PRIM2: variants seen among roughly 807,000 people sequenced by gnomAD.
PRIM2 encodes the protein DNA primase large subunit.
A neutral mutation model predicts 67.3 loss-of-function variants in PRIM2; 39 were observed. That is an observed-to-expected ratio of 0.58 (90% confidence interval 0.45 to 0.76). PRIM2 has a LOEUF of 0.76. Ranked by LOEUF, PRIM2 falls within the 30% of genes least tolerant of loss-of-function variation. The pLI is 0.00. For missense variants in PRIM2, 398 were observed against 598.7 expected (o/e 0.66, Z 3.50); for synonymous variants, 143 against 198.7 (o/e 0.72, Z 2.36).
intron 13 of PRIM2, among the ~76,000 whole-genome samples, chr6:57,642,234 G>A (rs1777251185): frequency 6.6e-6 from 1 of 151,918 alleles, no homozygotes. Context: ...CTGTTTGGGG[G>A]GGTTGTGCTA....
rs1409528134 is a variant in PRIM2 at position 57,447,372 on chromosome 6, C to A, written c.694-60015C>A. 3.9e-5 allele frequency among the ~76,000 whole-genome samples: 6 copies of A among 152,234 alleles called. No homozygotes were observed. The South Asian group carries it at 1.2e-3, about 32-fold the overall frequency. On this transcript the variant is annotated intron_variant, in intron 7 of 13. Coordinates refer to ENST00000615550, the MANE Select transcript of PRIM2 (RefSeq NM_000947.5). The stretch of plus-strand genomic sequence containing the variant: ...GAAACAATTGAAGAACAAAGTAACA[C>A]CTCTGTGGCAATTATTATTAAAGTT...
chr6:57,492,706 G>A (rs1177325333), intron 7 of PRIM2, among the ~76,000 whole-genome samples: 1 of 152,056 alleles, frequency 6.6e-6, no homozygotes, highest in Non-Finnish European at 1.5e-5. Context: ...GAAATTTTGT[G>A]TATATTTTAT....
chr6:57,244,140 G>A, the PRIM2 span, among the ~76,000 whole-genome samples: 8 of 152,118 alleles, frequency 5.3e-5, no homozygotes, highest in Non-Finnish European at 8.8e-5. Context: ...CTCACCTACC[G>A]CAGCCAATCA....
In PRIM2 at chr6:57,428,960, G is replaced by A. The variant is rs73749591; in HGVS notation, c.693+46792G>A. On this transcript the variant is annotated intron_variant, in intron 7 of 13. Transcript: ENST00000615550. ...TGTGTTGATACTTGTAATCACCACC[G>A]CAATCAGGGTATAGAACTTTCTCAT... Among the ~76,000 whole-genome samples the A allele has an allele frequency of 1.4e-3, 210 of 152,126 alleles. 5 individuals carry two copies. The East Asian group carries it at 0.016, about 11-fold the overall frequency.
chr6:57,570,228 T>C (rs1775836093), intron 10 of PRIM2, among the ~76,000 whole-genome samples: 1 of 152,226 alleles, frequency 6.6e-6, no homozygotes, highest in Non-Finnish European at 1.5e-5. Context: ...AGTTAACTGA[T>C]GTGAAAGAGC....
chr6:57,302,385 T>C, the PRIM2 span, among the ~76,000 whole-genome samples: 4 of 152,212 alleles, frequency 2.6e-5, no homozygotes, highest in Non-Finnish European at 5.9e-5. Flanking sequence ...TTTTCAGTGT[T>C]TTCCCCAGCA....
At chr6:57,237,016 T>G in the PRIM2 span, among the ~76,000 whole-genome samples, 582 of 152,182 alleles carry the variant, frequency 3.8e-3, 4 homozygotes, top group Non-Finnish European at 5.0e-3. Flanking sequence ...GTTGAACTAG[T>G]TTACAGTCCC....
At chr6:57,312,052 AGGGGAGAGGGGAGAGG>A (rs796245312), upstream of PRIM2, among the ~76,000 whole-genome samples, 5,536 of 36,346 alleles carry the variant, frequency 0.15, 1,060 homozygotes, top group African/African-American at 0.39. Context: ...GAGAGGGGAG[AGGGGAGAGGGGAGAGG>A]GGGGAGAGGG....
chr6:57,332,584 T>A (rs1482686370), intron 5 of PRIM2, among the ~76,000 whole-genome samples: 1 of 152,188 alleles, frequency 6.6e-6, no homozygotes, highest in Non-Finnish European at 1.5e-5. Flanking sequence ...TTAAATCTTC[T>A]TGATGGGTTG....
intron 7 of PRIM2, among the ~76,000 whole-genome samples, chr6:57,484,172 C>T (rs1216876595): frequency 1.3e-5 from 2 of 152,166 alleles, no homozygotes; most frequent in Non-Finnish European, 2.9e-5. Flanking sequence ...GTGTTTCGAC[C>T]TGGCTTGAGC....
chr6:57,575,574 A>G (rs1425720752), intron 10 of PRIM2, among the ~76,000 whole-genome samples: 1 of 152,180 alleles, frequency 6.6e-6, no homozygotes, highest in Non-Finnish European at 1.5e-5. Flanking sequence ...TAAGTTAACT[A>G]TTCCTACATA....
the PRIM2 span, among the ~76,000 whole-genome samples, chr6:57,228,168 T>C: frequency 6.6e-6 from 1 of 152,202 alleles, no homozygotes; most frequent in Non-Finnish European, 1.5e-5. Flanking sequence ...AAGCCTCAGA[T>C]GGTGATAAAT....
chr6:57,542,938 G>GTTTTTTTTTTTT (rs1581980392), intron 10 of PRIM2, among the ~76,000 whole-genome samples: 1 of 56,882 alleles, frequency 1.8e-5, no homozygotes, highest in Non-Finnish European at 3.3e-5. Context: ...CTGCTTATAG[G>GTTTTTTTTTTTT]ATTTTTTTTT....
upstream of PRIM2, among the ~76,000 whole-genome samples, chr6:57,310,640 G>A (rs189456427): frequency 3.3e-4 from 50 of 150,756 alleles, no homozygotes; most frequent in Admixed American, 1.6e-3. Flanking sequence ...ACGGGGTGGC[G>A]GCCGGGCAGA....
intron 8 of PRIM2, among the ~76,000 whole-genome samples, chr6:57,530,182 T>C (rs1454468194): frequency 3.3e-5 from 5 of 152,236 alleles, no homozygotes; most frequent in Non-Finnish European, 5.9e-5. Context: ...GGAAGACATA[T>C]GCATGGAAAA....
At chr6:57,582,899 T>C (rs1488734954) in intron 10 of PRIM2, among the ~76,000 whole-genome samples, 6 of 142,392 alleles carry the variant, frequency 4.2e-5, no homozygotes, top group East Asian at 4.3e-4. Flanking sequence ...AACTCGTCAT[T>C]TAGCATTAGG....
At chr6:57,628,713 C>A (rs1776995977) in intron 12 of PRIM2, among the ~76,000 whole-genome samples, 2 of 152,232 alleles carry the variant, frequency 1.3e-5, no homozygotes, top group Admixed American at 1.3e-4. Context: ...ATGTTTAGCT[C>A]CCACTTTAAG....
intron 10 of PRIM2, among the ~76,000 whole-genome samples, chr6:57,592,847 G>A (rs1161354031): frequency 1.2e-3 from 180 of 151,906 alleles, no homozygotes; most frequent in African/African-American, 4.1e-3. Flanking sequence ...TTGTAGGAAA[G>A]ACTTTATTCT....
At chr6:57,324,406 T>C (rs894030991) in intron 4 of PRIM2, 126 bp downstream of exon 4, 14 of 531,754 alleles carry the variant, frequency 2.6e-5, no homozygotes, top group African/African-American at 2.3e-4. Flanking sequence ...CGGTTGATCA[T>C]GGGGTTGAAC....
Sources: allele counts gnomAD v4.1 joint callset (sites outside exome capture counted in the v4.1 genomes callset), GRCh38; gene constraint gnomAD v4.1.1; transcripts MANE v1.5; gene names NCBI Gene and HGNC (gene_info 2026-07-23, HGNC 2026-07-21).